The following C1orf21 variants were observed in gnomAD, a reference collection of about 807,000 sequenced individuals.
C1orf21 encodes uncharacterized protein C1orf21.
In C1orf21, 3 loss-of-function variants were observed where a neutral mutation model predicts 18.7. That is an observed-to-expected ratio of 0.16 (90% confidence interval 0.07 to 0.42). The LOEUF is 0.42. Ranked by LOEUF, C1orf21 falls within the 10% of genes least tolerant of loss-of-function variation. The pLI, the probability that C1orf21 is intolerant of heterozygous loss-of-function variation, is 0.99. For synonymous variants in C1orf21, 41 were observed against 46.4 expected, an observed-to-expected ratio of 0.88 and a Z score of 0.47; for missense variants, 104 against 143.6, an observed-to-expected ratio of 0.72 and a Z score of 1.41.
intron 3 of C1orf21, among the ~76,000 whole-genome samples, chr1:184,558,171 C>G (rs929000791): frequency 1.3e-5 from 2 of 152,198 alleles, no homozygotes; most frequent in Non-Finnish European, 2.9e-5. Context: ...TCATTAGCAG[C>G]CAGTACAGTA....
rs139438918 is a variant in C1orf21 at position 184,611,438 on chromosome 1, G to A, written c.328-8080G>A. ...CGGTGGTTTAAGCCCAGCAGCCCCT[G>A]GGGATAGCCTTCCTTTCACTTTTCC... is the stretch of plus-strand genomic sequence containing the variant. On this transcript the variant is annotated intron_variant, in intron 5 of 5. Transcript: ENST00000235307. Among the ~76,000 whole-genome samples the A allele has an allele frequency of 9.7e-4, 148 of 152,272 alleles. 1 individual carries two copies. The highest frequency in any genetic ancestry group is 3.4e-3 in the African/African-American group (141 of 41,546).
At chr1:184,482,477 G>A (rs567766641) in intron 2 of C1orf21, among the ~76,000 whole-genome samples, 39 of 152,332 alleles carry the variant, frequency 2.6e-4, no homozygotes, top group African/African-American at 8.4e-4. Flanking sequence ...GTTGGGAGCC[G>A]TCTTTGGAGA....
At chr1:184,604,109 G>A (rs997302817) in intron 5 of C1orf21, among the ~76,000 whole-genome samples, 3 of 152,182 alleles carry the variant, frequency 2.0e-5, no homozygotes, top group Non-Finnish European at 2.9e-5. Context: ...ATGATGTTGG[G>A]TTCTACGTGT....
At chr1:184,509,615 A>G (rs987231947) in intron 3 of C1orf21, among the ~76,000 whole-genome samples, 2 of 152,188 alleles carry the variant, frequency 1.3e-5, no homozygotes, top group Non-Finnish European at 2.9e-5. Flanking sequence ...TTGACCATAC[A>G]CATCATTTGA....
chr1:184,442,855 G>T (rs1049698642), intron 1 of C1orf21, among the ~76,000 whole-genome samples: 1 of 152,136 alleles, frequency 6.6e-6, no homozygotes, highest in Non-Finnish European at 1.5e-5. Context: ...ATACATTAAT[G>T]TGTGAATTGG....
intron 1 of C1orf21, among the ~76,000 whole-genome samples, chr1:184,470,198 A>C (rs989372265): frequency 6.6e-6 from 1 of 152,110 alleles, no homozygotes; most frequent in African/African-American, 2.4e-5. Flanking sequence ...GTTGCCTGCT[A>C]TGAGGGCCCT....
intron 3 of C1orf21, among the ~76,000 whole-genome samples, chr1:184,584,767 C>T (rs1437487381): frequency 6.6e-6 from 1 of 152,190 alleles, no homozygotes; most frequent in Non-Finnish European, 1.5e-5. Context: ...TTATATGCTA[C>T]AATTTGGATG....
intron 3 of C1orf21, chr1:184,567,673 A>G (rs1004432798): frequency 5.1e-6 from 2 of 391,700 alleles, no homozygotes; most frequent in Non-Finnish European, 5.1e-6. Flanking sequence ...TGAGTTTCAT[A>G]CTGGTCAAGC....
intron 1 of C1orf21, among the ~76,000 whole-genome samples, chr1:184,462,686 G>A (rs757107342): frequency 3.3e-5 from 5 of 152,158 alleles, no homozygotes; most frequent in Non-Finnish European, 7.3e-5. Context: ...ATAAAACTAA[G>A]TAGTTAGATA....
chr1:184,609,369 C>G (rs1158482982), intron 5 of C1orf21, among the ~76,000 whole-genome samples: 1 of 152,174 alleles, frequency 6.6e-6, no homozygotes, highest in Non-Finnish European at 1.5e-5. Context: ...ATTAGTCTCC[C>G]CAAACCTCCA....
In C1orf21 at chr1:184,559,594, C is replaced by A. The variant is rs1425585020; in HGVS notation, c.190-31145C>A. ...CCCTCCCTCCCTCTCTTCCTCCCTT[C>A]CTTCCTTCCTTCCTTCCTCCCTCCC... On this transcript the variant is annotated intron_variant, in intron 3 of 5. Transcript: ENST00000235307. Among the ~76,000 whole-genome samples the A allele has an allele frequency of 2.9e-3, 411 of 139,536 alleles. 7 individuals are homozygous for A. The highest frequency in any genetic ancestry group is 9.2e-3 in the African/African-American group (323 of 35,252). 91.5% of individuals were successfully genotyped at this position (139,536 alleles called of 152,430 possible).
At chr1:184,587,017 C>T (rs988132633) in intron 3 of C1orf21, among the ~76,000 whole-genome samples, 4 of 152,176 alleles carry the variant, frequency 2.6e-5, no homozygotes, top group African/African-American at 9.7e-5. Context: ...CCAGTTATCC[C>T]AGCACCATTT....
intron 1 of C1orf21, among the ~76,000 whole-genome samples, chr1:184,394,653 G>A (rs1656022434): frequency 6.6e-6 from 1 of 152,214 alleles, no homozygotes; most frequent in South Asian, 2.1e-4. Context: ...CTGCCAGGCT[G>A]TGATTTGCAG....
chr1:184,443,899 A>G (rs1656989442), intron 1 of C1orf21, among the ~76,000 whole-genome samples: 1 of 152,124 alleles, frequency 6.6e-6, no homozygotes, highest in Non-Finnish European at 1.5e-5. Context: ...AGAAGGCCCA[A>G]TCCCATGACA....
At chr1:184,409,488 A>T (rs1253911516) in intron 1 of C1orf21, among the ~76,000 whole-genome samples, 1 of 152,168 alleles carries the variant, frequency 6.6e-6, no homozygotes, top group Non-Finnish European at 1.5e-5. Flanking sequence ...GGGATTCGTA[A>T]TGGATCTTGG....
chr1:184,597,361 G>T (rs532849708), intron 4 of C1orf21, among the ~76,000 whole-genome samples: 5 of 152,152 alleles, frequency 3.3e-5, no homozygotes, highest in South Asian at 4.2e-4. Flanking sequence ...TGAGCCTCAG[G>T]CCCCACTGTC....
At chr1:184,537,004 G>A (rs1236825386) in intron 3 of C1orf21, among the ~76,000 whole-genome samples, 1 of 152,142 alleles carries the variant, frequency 6.6e-6, no homozygotes, top group African/African-American at 2.4e-5. Context: ...TGAATACAAA[G>A]TACTAATTCC....
At chr1:184,618,329 A>G (rs1242919083) in intron 5 of C1orf21, among the ~76,000 whole-genome samples, 1 of 152,204 alleles carries the variant, frequency 6.6e-6, no homozygotes, top group African/African-American at 2.4e-5. Context: ...ATCTTCAACT[A>G]TTCTGTGAAA....
chr1:184,508,489 T>G (rs1209385126), intron 3 of C1orf21, among the ~76,000 whole-genome samples: 1 of 152,190 alleles, frequency 6.6e-6, no homozygotes, highest in African/African-American at 2.4e-5. Flanking sequence ...TATAATACTT[T>G]CACTTGACTT....
Sources: gnomAD v4.1 joint callset for allele counts (sites outside exome capture counted in the v4.1 genomes callset) on GRCh38, gnomAD v4.1.1 for gene constraint, MANE v1.5 for transcripts, NCBI Gene and HGNC (gene_info 2026-07-23, HGNC 2026-07-21) for gene names.